Variants in CCDC3 observed in about 807,000 individuals in gnomAD.
CCDC3 encodes the protein coiled-coil domain-containing protein 3.
In CCDC3, 24 loss-of-function variants were observed where a neutral mutation model predicts 21.4. That is an observed-to-expected ratio of 1.12 (90% CI 0.81 to 1.58). CCDC3 has a LOEUF of 1.58. CCDC3 is among the 40% of genes most tolerant of loss of function. The probability of loss-of-function intolerance (pLI) is 0.00; values close to 1 mark genes in which losing one functional copy is unlikely to be tolerated. For missense variants in CCDC3, 425 were observed against 360.9 expected, an observed-to-expected ratio of 1.18 and a Z score of -1.44; for synonymous variants, 186 against 166.0, an observed-to-expected ratio of 1.12 and a Z score of -0.93.
At chr10:13,029,423 G>A (rs1022064873) in intron 5 of CCDC3, among the ~76,000 whole-genome samples, 5 of 152,122 alleles carry the variant, frequency 3.3e-5, no homozygotes, top group Non-Finnish European at 5.9e-5. Flanking sequence ...AAACCGGAAC[G>A]CCTCTTCTCC....
intron 2 of CCDC3, among the ~76,000 whole-genome samples, chr10:12,945,719 G>A (rs1464874884): frequency 6.6e-6 from 1 of 152,202 alleles, no homozygotes; most frequent in African/African-American, 2.4e-5. Flanking sequence ...GTTTTATCAA[G>A]ATAATTTCCC....
At chr10:13,002,955 AG>A (rs1269560598), upstream of CCDC3, among the ~76,000 whole-genome samples, 2 of 152,184 alleles carry the variant, frequency 1.3e-5, no homozygotes, top group Non-Finnish European at 2.9e-5. Context: ...CAAGGTCACT[AG>A]TCCTATGGGG....
At chr10:13,035,311 C>T (rs1231525286) in intron 5 of CCDC3, among the ~76,000 whole-genome samples, 1 of 152,166 alleles carries the variant, frequency 6.6e-6, no homozygotes, top group East Asian at 1.9e-4. Context: ...CACTTTTGGG[C>T]TCGACTGCAG....
intron 5 of CCDC3, among the ~76,000 whole-genome samples, chr10:13,011,851 A>C (rs503653): frequency 0.8 from 121,763 of 152,126 alleles, 49,778 homozygotes; most frequent in Non-Finnish European, 0.88. Flanking sequence ...AAAACAGACA[A>C]ATACACCAAT....
intron 5 of CCDC3, among the ~76,000 whole-genome samples, chr10:13,017,118 T>G (rs1432484583): frequency 6.6e-6 from 1 of 152,044 alleles, no homozygotes; most frequent in African/African-American, 2.4e-5. Context: ...GTGTCCTCGC[T>G]CTACGGTCAT....
At chr10:13,043,616 T>C (rs930301477) in intron 5 of CCDC3, among the ~76,000 whole-genome samples, 1 of 151,752 alleles carries the variant, frequency 6.6e-6, no homozygotes, top group Non-Finnish European at 1.5e-5. Context: ...AAAATAAAAA[T>C]AAAAAAGACA....
intron 2 of CCDC3, among the ~76,000 whole-genome samples, chr10:12,935,753 C>T (rs1810360983): frequency 6.6e-6 from 1 of 151,868 alleles, no homozygotes; most frequent in Non-Finnish European, 1.5e-5. Flanking sequence ...GCAAGCTCCG[C>T]CTCGCAGGTT....
intron 5 of CCDC3, among the ~76,000 whole-genome samples, chr10:13,024,281 A>G (rs1316575411): frequency 2.0e-5 from 3 of 151,758 alleles, no homozygotes; most frequent in Non-Finnish European, 4.4e-5. Flanking sequence ...ATAGTTTTAT[A>G]TGCATCAAAC....
intron 2 of CCDC3, among the ~76,000 whole-genome samples, chr10:12,917,299 T>C (rs1834375361): frequency 6.9e-6 from 1 of 145,312 alleles, no homozygotes; most frequent in African/African-American, 2.5e-5. Context: ...GTTCATGCCA[T>C]TCTCCTGCCT....
intron 4 of CCDC3, among the ~76,000 whole-genome samples, chr10:13,063,489 C>G (rs934991434): frequency 2.0e-5 from 3 of 152,178 alleles, no homozygotes; most frequent in African/African-American, 7.2e-5. Flanking sequence ...GATAGGAATG[C>G]TTTATGTGTG....
At chr10:12,948,093 C>A (rs929628158) in intron 2 of CCDC3, among the ~76,000 whole-genome samples, 1 of 152,172 alleles carries the variant, frequency 6.6e-6, no homozygotes, top group Non-Finnish European at 1.5e-5. Context: ...TGGCAGGTAA[C>A]TGAATCATGG....
rs990830205 is a variant in CCDC3, at chr10:13,058,005, G to T, written c.-269-8064C>A. 8.5e-6 allele frequency: 6 copies of T among 706,276 alleles called. No individual in the cohort carries two copies. In the African/African-American group the frequency reaches 8.7e-5, roughly 10 times the overall value. The allele number at this position is 706,276 out of a possible 1,614,324, so 43.8% of individuals were successfully genotyped here. A position where few individuals can be genotyped will look rare whatever the true frequency, so the allele number is the denominator to read the frequency against. ...GGAGTTACATTGTTCTTTATATATT[G>T]AAAGAACTGTTTCTTGTAAGCATCT... On this transcript the variant is annotated intron_variant, in intron 4 of 6. Coordinates refer to the CCDC3 transcript ENST00000378839.
chr10:13,056,634 C>G (rs1437823502), intron 4 of CCDC3, among the ~76,000 whole-genome samples: 1 of 152,144 alleles, frequency 6.6e-6, no homozygotes, highest in Non-Finnish European at 1.5e-5. Flanking sequence ...CAGCATCTTT[C>G]CAGACTTGGA....
intron 2 of CCDC3, among the ~76,000 whole-genome samples, chr10:12,986,779 A>C (rs1184596957): frequency 2.4e-5 from 2 of 84,390 alleles, no homozygotes; most frequent in African/African-American, 6.0e-5. Context: ...TCTCAAAAAA[A>C]AAAAACAAAA....
intron 2 of CCDC3, among the ~76,000 whole-genome samples, chr10:12,933,531 C>G (rs185832670): frequency 1.5e-3 from 218 of 149,410 alleles, no homozygotes; most frequent in Middle Eastern, 7.1e-3. Context: ...GATTTTGGCT[C>G]ACTGCACCCT....
chr10:13,077,715 A>G (rs1489715395), intron 3 of CCDC3, among the ~76,000 whole-genome samples: 2 of 152,310 alleles, frequency 1.3e-5, no homozygotes, highest in East Asian at 3.9e-4. Context: ...CACATCTACA[A>G]TCATCTGATC....
intron 2 of CCDC3, among the ~76,000 whole-genome samples, chr10:12,977,423 T>G (rs1245380952): frequency 6.6e-6 from 1 of 152,214 alleles, no homozygotes. Flanking sequence ...TGGACACCAC[T>G]GTCCATAAAC....
At chr10:12,914,547 C>G (rs531380692) in intron 2 of CCDC3, among the ~76,000 whole-genome samples, 2 of 152,128 alleles carry the variant, frequency 1.3e-5, no homozygotes, top group African/African-American at 2.4e-5. Flanking sequence ...CTGGGTCAAG[C>G]GATTCGCCTG....
intron 3 of CCDC3, among the ~76,000 whole-genome samples, chr10:13,079,886 T>G (rs1378226368): frequency 6.6e-6 from 1 of 152,056 alleles, no homozygotes; most frequent in Non-Finnish European, 1.5e-5. Context: ...AAAAATCTTT[T>G]GGCAAAGTTC....
Sources: gnomAD v4.1 joint callset for allele counts (sites outside exome capture counted in the v4.1 genomes callset) on GRCh38, gnomAD v4.1.1 for gene constraint, MANE v1.5 for transcripts, NCBI Gene and HGNC (gene_info 2026-07-23, HGNC 2026-07-21) for gene names.